JCHAIN: variants seen among roughly 807,000 people sequenced by gnomAD.
JCHAIN encodes the protein immunoglobulin J chain.
JCHAIN carries 5 observed loss-of-function variants against 11.1 expected under a neutral mutation model. That is an observed-to-expected ratio of 0.45 (90% CI 0.24 to 0.95). The LOEUF (loss-of-function observed/expected upper bound fraction) is 0.95, where lower values mean the gene tolerates loss of function less well. Among genes scored for constraint, JCHAIN ranks in the 40% least tolerant of loss-of-function variants. The probability of loss-of-function intolerance (pLI) is 0.21; values close to 1 mark genes in which losing one functional copy is unlikely to be tolerated. For synonymous variants in JCHAIN, 51 were observed against 67.8 expected, an observed-to-expected ratio of 0.75 and a Z score of 1.22; for missense variants, 165 against 192.7, an observed-to-expected ratio of 0.86 and a Z score of 0.85.
At chr4:70,658,878 G>A (rs184037421) in intron 2 of JCHAIN, among the ~76,000 whole-genome samples, 21 of 152,214 alleles carry the variant, frequency 1.4e-4, no homozygotes, top group Admixed American at 1.0e-3. Flanking sequence ...TGTAATTGCC[G>A]TTTTAATTGT....
intron 2 of JCHAIN, among the ~76,000 whole-genome samples, chr4:70,658,094 TG>T (rs1453222273): frequency 1.3e-5 from 2 of 152,172 alleles, no homozygotes; most frequent in Non-Finnish European, 2.9e-5. Context: ...GCCAAAAACC[TG>T]GCTATCATAC....
At chr4:70,663,060 A>C (rs1739091750) in intron 1 of JCHAIN, among the ~76,000 whole-genome samples, 1 of 152,200 alleles carries the variant, frequency 6.6e-6, no homozygotes, top group Non-Finnish European at 1.5e-5. Context: ...ATGAGGTACA[A>C]TCTCAATTGA....
chr4:70,662,832 G>A (rs1403619670), intron 1 of JCHAIN, among the ~76,000 whole-genome samples: 1 of 151,944 alleles, frequency 6.6e-6, no homozygotes, highest in African/African-American at 2.4e-5. Flanking sequence ...GGTGGTGCAT[G>A]CCTGTAGTCC....
intron 2 of JCHAIN, among the ~76,000 whole-genome samples, chr4:70,661,472 G>A (rs542636012): frequency 6.6e-6 from 1 of 152,130 alleles, no homozygotes; most frequent in African/African-American, 2.4e-5. Flanking sequence ...ACTGATCAAA[G>A]GCAACTGAAA....
chr4:70,660,216 A>G (rs16845341), intron 2 of JCHAIN, among the ~76,000 whole-genome samples: 3,403 of 152,190 alleles, frequency 0.022, 111 homozygotes, highest in African/African-American at 0.072. Context: ...CTGAGTGGTC[A>G]AAGAAAACCT....
intron 1 of JCHAIN, among the ~76,000 whole-genome samples, chr4:70,663,086 GA>G (rs371826943): frequency 0.015 from 2,302 of 151,022 alleles, 51 homozygotes; most frequent in African/African-American, 0.049. Flanking sequence ...CCTGTATACA[GA>G]AAAAAAAATG....
chr4:70,660,285 A>T (rs1739029167), intron 2 of JCHAIN, among the ~76,000 whole-genome samples: 1 of 152,158 alleles, frequency 6.6e-6, no homozygotes, highest in Non-Finnish European at 1.5e-5. Flanking sequence ...TAACTAGGCT[A>T]AGAGGGGTGG....
chr4:70,658,446 A>G (rs1235618965), intron 2 of JCHAIN, among the ~76,000 whole-genome samples: 1 of 152,278 alleles, frequency 6.6e-6, no homozygotes, highest in African/African-American at 2.4e-5. Flanking sequence ...ATCTCTCACA[A>G]TGTCACCATC....
chr4:70,662,052 G>A, intron 2 of JCHAIN, 40 bp downstream of exon 2: 6 of 1,602,148 alleles, frequency 3.7e-6, no homozygotes, highest in Non-Finnish European at 5.1e-6. Context: ...AAGTATCTCT[G>A]CTTAGAACAG....
intron 1 of JCHAIN, among the ~76,000 whole-genome samples, chr4:70,662,816 G>A (rs755137905): frequency 2.6e-5 from 4 of 151,818 alleles, no homozygotes; most frequent in South Asian, 4.2e-4. Context: ...AAAATTAGCC[G>A]GGCATGGTGG....
chr4:70,661,830 G>A (rs1024516835), intron 2 of JCHAIN, among the ~76,000 whole-genome samples: 5 of 152,126 alleles, frequency 3.3e-5, no homozygotes, highest in Admixed American at 1.3e-4. Flanking sequence ...TATAAACAGT[G>A]CATGTTGATG....
intron 2 of JCHAIN, among the ~76,000 whole-genome samples, chr4:70,657,513 A>C (rs1738971986): frequency 6.6e-6 from 1 of 152,196 alleles, no homozygotes; most frequent in Admixed American, 6.5e-5. Flanking sequence ...GCTGTCAACT[A>C]TCTTTGCTGA....
At chr4:70,659,607 G>C (rs1739017546) in intron 2 of JCHAIN, among the ~76,000 whole-genome samples, 2 of 134,996 alleles carry the variant, frequency 1.5e-5, no homozygotes, top group Admixed American at 1.6e-4. Flanking sequence ...CATGCCTGCA[G>C]TCTCAGCACT....
chr4:70,659,743 G>A lies in JCHAIN; in HGVS notation c.188+2349C>T, dbSNP rs1370048475. Among the ~76,000 whole-genome samples, 3 of 150,276 alleles carry A rather than the reference G, an allele frequency of 2.0e-5. No individual in the cohort carries two copies. In the East Asian group the frequency reaches 6.0e-4, roughly 30 times the overall value. ...TAGCTGGGCATGGTGGTGCGTGCCT[G>A]TAGTCCCAGCTACTCGGGGAGGCTG... is the stretch of plus-strand genomic sequence containing the variant. On this transcript the variant is annotated intron_variant, in intron 2 of 3. Coordinates refer to ENST00000254801, the MANE Select transcript of JCHAIN (RefSeq NM_144646.4).
intron 2 of JCHAIN, among the ~76,000 whole-genome samples, chr4:70,659,821 C>T (rs1739021951): frequency 6.6e-6 from 1 of 151,850 alleles, no homozygotes; most frequent in South Asian, 2.1e-4. Context: ...AAGCCAAGAT[C>T]GCACCACTGC....
Position 70,664,233 on chromosome 4 carries a change from T to TAAC in JCHAIN, c.65-2019_65-2018insGTT, listed in dbSNP as rs755784269. The TAAC allele has an allele frequency of 2.7e-5, 4 of 148,536 alleles. No homozygotes were observed. In the East Asian group the frequency reaches 5.9e-4, roughly 22 times the overall value. 9.2% of individuals were successfully genotyped at this position (148,536 alleles called of 1,614,324 possible). A position where few individuals can be genotyped will look rare whatever the true frequency, so the allele number is the denominator to read the frequency against. Reference sequence around the variant, plus strand: ...CAGAGCGAGACTCCATCTCAAAAAATAATAATAATAATAATAATTACAACA... The same window carrying TAAC: ...CAGAGCGAGACTCCATCTCAAAAAATAACAATAATAATAATAATAATTACAACA... On this transcript the variant is annotated intron_variant, in intron 1 of 3. Coordinates refer to ENST00000254801, the MANE Select transcript of JCHAIN (RefSeq NM_144646.4).
Position 70,657,204 on chromosome 4 carries a change from A to G in JCHAIN, c.269+7T>C. 2.0e-6 allele frequency: 3 copies of G among 1,517,938 alleles called. No homozygotes were observed. Among genetic ancestry groups the G allele is most frequent in the Non-Finnish European group, 2.7e-6 (3 of 1,095,440 alleles). 94.0% of individuals were successfully genotyped at this position (1,517,938 alleles called of 1,614,324 possible). ...TCTATATTACTATGGAAAAAAATAT[A>G]TCTTACAGGTCAGACAAATGGTACA... is the stretch of plus-strand genomic sequence containing the variant. On this transcript the variant is annotated splice_region_variant and intron_variant, in intron 3 of 3. Coordinates refer to ENST00000254801, the MANE Select transcript of JCHAIN (RefSeq NM_144646.4).
rs78599402 is a variant in JCHAIN at position 70,656,594 on chromosome 4, G to T, written c.270-55C>A. 8,708 of 1,328,928 alleles carry T rather than the reference G, an allele frequency of 6.6e-3. 230 individuals carry two copies. In the African/African-American group the frequency reaches 0.077, roughly 12 times the overall value. 82.3% of individuals were successfully genotyped at this position (1,328,928 alleles called of 1,614,324 possible). A position where few individuals can be genotyped will look rare whatever the true frequency, so the allele number is the denominator to read the frequency against. On this transcript the variant is annotated intron_variant, in intron 3 of 3. Coordinates refer to ENST00000254801, the MANE Select transcript of JCHAIN (RefSeq NM_144646.4). Reference sequence around the variant, plus strand: ...CCCCTCAAATGCTGTCTCAAAATGTGACTACACATTTCAATCCAAAATCAA... The same window carrying T: ...CCCCTCAAATGCTGTCTCAAAATGTTACTACACATTTCAATCCAAAATCAA...
At chr4:70,663,289 C>T (rs1486882856) in intron 1 of JCHAIN, 1 of 152,110 alleles carries the variant, frequency 6.6e-6, no homozygotes, top group African/African-American at 2.4e-5. Context: ...CTCCTGGGTT[C>T]AAGTGATTTT....
Sources: gnomAD v4.1 joint callset for allele counts (sites outside exome capture counted in the v4.1 genomes callset) on GRCh38, gnomAD v4.1.1 for gene constraint, MANE v1.5 for transcripts, NCBI Gene and HGNC (gene_info 2026-07-23, HGNC 2026-07-21) for gene names.